Variants in LARGE1 observed in about 807,000 individuals in gnomAD.
LARGE1 encodes the protein xylosyl- and glucuronyltransferase LARGE1.
LARGE1 carries 43 observed loss-of-function variants against 87.6 expected under a neutral mutation model. The ratio of observed to expected loss-of-function variants is 0.49; its 90% CI spans 0.38 to 0.63. LARGE1 has a LOEUF of 0.63. LARGE1 is among the 30% of genes least tolerant of loss of function. The probability of loss-of-function intolerance (pLI) is 0.00; values close to 1 mark genes in which losing one functional copy is unlikely to be tolerated. For missense variants in LARGE1, 802 were observed against 1,000.2 expected (o/e 0.80, Z 2.67); for synonymous variants, 434 against 394.6 (o/e 1.10, Z -1.18).
intron 2 of LARGE1, among the ~76,000 whole-genome samples, chr22:33,679,220 A>T (rs1220472335): frequency 6.6e-6 from 1 of 152,218 alleles, no homozygotes; most frequent in Admixed American, 6.5e-5. Context: ...ATGAATGTAT[A>T]AATCAATCAC....
chr22:33,086,058 C>A, the LARGE1 span, among the ~76,000 whole-genome samples: 1 of 152,132 alleles, frequency 6.6e-6, no homozygotes, highest in Admixed American at 6.5e-5. Context: ...AATTTTAACA[C>A]CTGTGCACAT....
At chr22:33,798,967 C>T (rs2086072871) in intron 1 of LARGE1, among the ~76,000 whole-genome samples, 1 of 152,160 alleles carries the variant, frequency 6.6e-6, no homozygotes, top group Non-Finnish European at 1.5e-5. Flanking sequence ...ACTACTGCAT[C>T]CCATTAAAAA....
intron 9 of LARGE1, among the ~76,000 whole-genome samples, chr22:33,362,503 C>T (rs2064423574): frequency 2.0e-5 from 3 of 149,678 alleles, no homozygotes; most frequent in African/African-American, 7.4e-5. Context: ...CTACTTAGCA[C>T]AAAGTTCTCC....
At chr22:33,337,053 T>G (rs1938542052) in intron 10 of LARGE1, among the ~76,000 whole-genome samples, 2 of 140,668 alleles carry the variant, frequency 1.4e-5, no homozygotes, top group Non-Finnish European at 3.0e-5. Context: ...AGAGTGAAAC[T>G]CTGTCAAAAA....
At chr22:33,203,753 C>T (rs962396057) in intron 11 of LARGE1, among the ~76,000 whole-genome samples, 6 of 152,300 alleles carry the variant, frequency 3.9e-5, no homozygotes, top group Admixed American at 2.0e-4. Flanking sequence ...ATGCTTTTCC[C>T]ACAGACTCTG....
intron 2 of LARGE1, among the ~76,000 whole-genome samples, chr22:33,755,516 AAAG>A (rs2084479942): frequency 6.6e-6 from 1 of 152,220 alleles, no homozygotes; most frequent in Non-Finnish European, 1.5e-5. Context: ...GATGGACAGA[AAAG>A]AAGAACCACA....
chr22:33,227,464 C>T (rs1386227421), intron 11 of LARGE1, among the ~76,000 whole-genome samples: 2 of 152,192 alleles, frequency 1.3e-5, no homozygotes, highest in African/African-American at 4.8e-5. Context: ...ACCCTAGTTA[C>T]ATTATCTAAA....
chr22:33,199,471 T>C (rs924133228), intron 11 of LARGE1, among the ~76,000 whole-genome samples: 3 of 152,216 alleles, frequency 2.0e-5, no homozygotes, highest in East Asian at 1.9e-4. Flanking sequence ...GCTTTTCTTC[T>C]AGAATTTTTA....
chr22:33,895,853 A>G (rs1254672992), intron 1 of LARGE1, among the ~76,000 whole-genome samples: 4 of 152,254 alleles, frequency 2.6e-5, no homozygotes, highest in Non-Finnish European at 1.5e-5. Context: ...ACACAAGAGC[A>G]GATCAGGAGA....
intron 2 of LARGE1, among the ~76,000 whole-genome samples, chr22:33,755,110 T>A (rs955906289): frequency 1.6e-4 from 25 of 152,196 alleles, no homozygotes; most frequent in Non-Finnish European, 2.4e-4. Flanking sequence ...TAGCCCAGTA[T>A]CGGAACCGTA....
intron 13 of LARGE1, among the ~76,000 whole-genome samples, chr22:33,281,637 A>G (rs1053077822): frequency 1.3e-5 from 2 of 152,202 alleles, no homozygotes; most frequent in Admixed American, 1.3e-4. Context: ...TAAGCACACA[A>G]TAAGTGGTAG....
intron 9 of LARGE1, among the ~76,000 whole-genome samples, chr22:33,380,328 T>G (rs1569110792): frequency 1.3e-5 from 2 of 152,210 alleles, no homozygotes. Flanking sequence ...GAATGAATGT[T>G]GCAGGCACCT....
At chr22:33,348,942 G>A (rs952686164) in intron 9 of LARGE1, among the ~76,000 whole-genome samples, 1 of 152,018 alleles carries the variant, frequency 6.6e-6, no homozygotes, top group African/African-American at 2.4e-5. Context: ...AAAATCTGAT[G>A]GTTTTATAAA....
At chr22:33,857,185 T>C (rs751155127) in intron 1 of LARGE1, among the ~76,000 whole-genome samples, 31 of 152,210 alleles carry the variant, frequency 2.0e-4, no homozygotes, top group Non-Finnish European at 1.0e-4. Flanking sequence ...CCAGAAGTGC[T>C]GGGATTACAG....
the LARGE1 span, among the ~76,000 whole-genome samples, chr22:33,147,064 G>T: frequency 6.6e-6 from 1 of 152,284 alleles, no homozygotes; most frequent in African/African-American, 2.4e-5. Context: ...ACACTGTTGT[G>T]TGTGACAGTA....
At chr22:33,462,623 A>C (rs1430206674) in intron 6 of LARGE1, among the ~76,000 whole-genome samples, 1 of 152,150 alleles carries the variant, frequency 6.6e-6, no homozygotes, top group East Asian at 1.9e-4. Context: ...TCTATTAAAA[A>C]TACAAAAATT....
chr22:33,642,359 C>T (rs186072780), intron 3 of LARGE1, among the ~76,000 whole-genome samples: 4 of 152,268 alleles, frequency 2.6e-5, no homozygotes, highest in African/African-American at 7.2e-5. Flanking sequence ...ACCACTAGGC[C>T]TGCCTTATAA....
chr22:33,088,013 G>A, the LARGE1 span, among the ~76,000 whole-genome samples: 649 of 152,036 alleles, frequency 4.3e-3, 3 homozygotes, highest in African/African-American at 0.014. Context: ...ATAGCCACAC[G>A]TAGCCAGAGT....
intron 1 of LARGE1, among the ~76,000 whole-genome samples, chr22:33,808,235 G>C (rs1223839519): frequency 2.6e-5 from 4 of 152,200 alleles, no homozygotes; most frequent in African/African-American, 9.6e-5. Context: ...TGTTTTATTT[G>C]CATTTCCCTG....
Sources: allele counts gnomAD v4.1 joint callset (sites outside exome capture counted in the v4.1 genomes callset), GRCh38; gene constraint gnomAD v4.1.1; transcripts MANE v1.5; gene names NCBI Gene and HGNC (gene_info 2026-07-23, HGNC 2026-07-21).